Variants in UBE2E2 observed in about 807,000 individuals in gnomAD.
UBE2E2 encodes ubiquitin-conjugating enzyme E2 E2.
Under a neutral mutation model 24.7 loss-of-function variants are expected in UBE2E2, and 6 were observed. The ratio of observed to expected loss-of-function variants is 0.24; its 90% CI spans 0.13 to 0.48. The LOEUF (loss-of-function observed/expected upper bound fraction) is 0.48, where lower values mean the gene tolerates loss of function less well. Ranked by LOEUF, UBE2E2 falls within the 20% of genes least tolerant of loss-of-function variation. The pLI is 0.99. For missense variants in UBE2E2, 169 were observed against 245.0 expected, an observed-to-expected ratio of 0.69 and a Z score of 2.07; for synonymous variants, 104 against 83.6, an observed-to-expected ratio of 1.24 and a Z score of -1.33.
chr3:23,206,011 CAT>C (rs1200555341), intron 1 of UBE2E2, among the ~76,000 whole-genome samples: 5 of 152,148 alleles, frequency 3.3e-5, no homozygotes, highest in African/African-American at 4.8e-5. Context: ...TTTATTAAAT[CAT>C]AGTTTATTAC....
chr3:23,544,727 A>T (rs1005377006), intron 5 of UBE2E2, among the ~76,000 whole-genome samples: 6 of 152,234 alleles, frequency 3.9e-5, no homozygotes, highest in African/African-American at 1.2e-4. Context: ...AGAGACTTGG[A>T]AAAGAAAAAG....
chr3:23,434,865 A>G (rs1421302460), intron 3 of UBE2E2, among the ~76,000 whole-genome samples: 1 of 152,208 alleles, frequency 6.6e-6, no homozygotes, highest in East Asian at 1.9e-4. Context: ...CTTAAAAATA[A>G]AGCATTTGCG....
chr3:23,368,930 T>G (rs1186151722), intron 3 of UBE2E2, among the ~76,000 whole-genome samples: 2 of 152,232 alleles, frequency 1.3e-5, no homozygotes, highest in Non-Finnish European at 2.9e-5. Context: ...TGCAGTTATT[T>G]TACAGTGTGT....
chr3:23,451,871 G>C (rs1279301602), intron 3 of UBE2E2, among the ~76,000 whole-genome samples: 1 of 152,064 alleles, frequency 6.6e-6, no homozygotes, highest in African/African-American at 2.4e-5. Flanking sequence ...AGTACCTAAA[G>C]GGTAAGAGGG....
intron 3 of UBE2E2, among the ~76,000 whole-genome samples, chr3:23,258,900 GAAAAA>G (rs11333992): frequency 1.0e-4 from 8 of 78,904 alleles, no homozygotes; most frequent in African/African-American, 1.8e-4. Flanking sequence ...CTCAAAAAAA[GAAAAA>G]AAAAAAAAAA....
intron 3 of UBE2E2, among the ~76,000 whole-genome samples, chr3:23,486,559 C>T (rs1159071201): frequency 6.6e-6 from 1 of 152,136 alleles, no homozygotes; most frequent in Admixed American, 6.5e-5. Context: ...GCCCATGGCT[C>T]CTGAGCTGAC....
chr3:23,288,751 A>G (rs991218603), intron 3 of UBE2E2, among the ~76,000 whole-genome samples: 1 of 152,218 alleles, frequency 6.6e-6, no homozygotes, highest in Admixed American at 6.5e-5. Flanking sequence ...CTTTGCACAC[A>G]TATCTTACAA....
chr3:23,203,489 C>T, intron 1 of UBE2E2, 25 bp downstream of exon 1: 1 of 966,290 alleles, frequency 1.0e-6, no homozygotes, highest in Non-Finnish European at 1.2e-6. Context: ...CGCGCCGGTG[C>T]CTCCCCTCCT....
At chr3:23,386,420 CA>C (rs1309747587) in intron 3 of UBE2E2, among the ~76,000 whole-genome samples, 1 of 152,140 alleles carries the variant, frequency 6.6e-6, no homozygotes, top group African/African-American at 2.4e-5. Context: ...AAGATCTCAA[CA>C]TATGAATTTA....
chr3:23,456,234 A>G (rs1698677012), intron 3 of UBE2E2, among the ~76,000 whole-genome samples: 1 of 152,232 alleles, frequency 6.6e-6, no homozygotes, highest in African/African-American at 2.4e-5. Context: ...CCATCTTTGC[A>G]GTTACTTCCT....
intron 3 of UBE2E2, among the ~76,000 whole-genome samples, chr3:23,445,819 T>C (rs1698416546): frequency 6.6e-6 from 1 of 152,156 alleles, no homozygotes; most frequent in Non-Finnish European, 1.5e-5. Flanking sequence ...TGTTGGCACA[T>C]AGTGAGGCAT....
intron 3 of UBE2E2, among the ~76,000 whole-genome samples, chr3:23,262,954 A>C (rs1390820497): frequency 6.6e-6 from 1 of 152,144 alleles, no homozygotes; most frequent in Non-Finnish European, 1.5e-5. Flanking sequence ...GAAGGCAAAA[A>C]GCTCTTCTGG....
intron 3 of UBE2E2, among the ~76,000 whole-genome samples, chr3:23,324,960 G>A (rs191633835): frequency 2.0e-5 from 3 of 152,290 alleles, no homozygotes; most frequent in Non-Finnish European, 4.4e-5. Context: ...ACAAACCACA[G>A]TGGAACTGAA....
chr3:23,338,601 G>A (rs1169616164), intron 3 of UBE2E2, among the ~76,000 whole-genome samples: 1 of 152,044 alleles, frequency 6.6e-6, no homozygotes, highest in East Asian at 1.9e-4. Context: ...CTGAATTGGG[G>A]ACTGGGACTG....
At chr3:23,223,338 A>G (rs186919184) in intron 3 of UBE2E2, among the ~76,000 whole-genome samples, 71 of 151,986 alleles carry the variant, frequency 4.7e-4, no homozygotes, top group African/African-American at 1.5e-3. Context: ...GATTAGAGGC[A>G]TGCACCACCA....
chr3:23,401,580 G>A (rs150386363), intron 3 of UBE2E2, among the ~76,000 whole-genome samples: 11 of 152,122 alleles, frequency 7.2e-5, no homozygotes, highest in South Asian at 2.1e-4. Flanking sequence ...AAGCTATATC[G>A]TTCTAACTTT....
At chr3:23,504,715 C>T (rs1329910658) in intron 4 of UBE2E2, among the ~76,000 whole-genome samples, 1 of 151,942 alleles carries the variant, frequency 6.6e-6, no homozygotes, top group African/African-American at 2.4e-5. Context: ...ATACTGTTGT[C>T]CTATCTCATT....
At chr3:23,378,692 A>AT (rs34927279) in intron 3 of UBE2E2, among the ~76,000 whole-genome samples, 67,020 of 152,056 alleles carry the variant, frequency 0.44, 15,053 homozygotes, top group Admixed American at 0.56. Flanking sequence ...TTTGAAATTC[A>AT]TTTACTTATG....
chr3:23,301,774 G>A (rs969603640), intron 3 of UBE2E2, among the ~76,000 whole-genome samples: 1 of 149,768 alleles, frequency 6.7e-6, no homozygotes, highest in African/African-American at 2.6e-5. Context: ...CAGATCTCCA[G>A]CTGCGTGCTG....
Sources: gnomAD v4.1 joint callset for allele counts (sites outside exome capture counted in the v4.1 genomes callset) on GRCh38, gnomAD v4.1.1 for gene constraint, MANE v1.5 for transcripts, NCBI Gene and HGNC (gene_info 2026-07-23, HGNC 2026-07-21) for gene names.